PTPRD: variants seen among roughly 807,000 people sequenced by gnomAD.
PTPRD encodes protein tyrosine phosphatase receptor type D.
PTPRD carries 34 observed loss-of-function variants against 214.5 expected under a neutral mutation model. The observed-to-expected ratio is 0.16, with a 90% CI of 0.12 to 0.21. The LOEUF (loss-of-function observed/expected upper bound fraction) is 0.21, where lower values mean the gene tolerates loss of function less well. Among genes scored for constraint, PTPRD ranks in the 10% least tolerant of loss-of-function variants. The pLI is 1.00. For synonymous variants in PTPRD, 1,128 were observed against 845.7 expected (o/e 1.33, Z -5.79); for missense variants, 2,545 against 2,398.7 (o/e 1.06, Z -1.27).
chr9:8,457,659 T>C (rs1280369510), intron 33 of PTPRD, among the ~76,000 whole-genome samples: 1 of 152,134 alleles, frequency 6.6e-6, no homozygotes, highest in Non-Finnish European at 1.5e-5. Flanking sequence ...TACAGACCTA[T>C]TGCTAATGCT....
chr9:8,669,041 A>G (rs997934237), intron 12 of PTPRD, among the ~76,000 whole-genome samples: 4 of 152,026 alleles, frequency 2.6e-5, no homozygotes, highest in African/African-American at 9.7e-5. Flanking sequence ...GCGGAGAGAG[A>G]GAAGACTCAA....
intron 17 of PTPRD, among the ~76,000 whole-genome samples, chr9:8,526,413 T>C (rs555049975): frequency 6.8e-6 from 1 of 146,746 alleles, no homozygotes; most frequent in East Asian, 2.0e-4. Context: ...ATCATTTTCA[T>C]AAAGAAAGAA....
intron 9 of PTPRD, among the ~76,000 whole-genome samples, chr9:9,265,432 G>T (rs1172116262): frequency 2.7e-5 from 4 of 150,636 alleles, no homozygotes; most frequent in African/African-American, 4.9e-5. Flanking sequence ...TTTTGTTTTT[G>T]TTTTTTTTGT....
intron 3 of PTPRD, among the ~76,000 whole-genome samples, chr9:10,340,176 T>C (rs1051289926): frequency 6.6e-6 from 1 of 151,868 alleles, no homozygotes; most frequent in Non-Finnish European, 1.5e-5. Flanking sequence ...TCTGGACAAG[T>C]TCTCAATGTC....
At chr9:9,175,907 C>G (rs1383793612) in intron 10 of PTPRD, among the ~76,000 whole-genome samples, 1 of 152,062 alleles carries the variant, frequency 6.6e-6, no homozygotes, top group Non-Finnish European at 1.5e-5. Flanking sequence ...TGCCCCAAAT[C>G]TGTAGGCCTG....
intron 5 of PTPRD, among the ~76,000 whole-genome samples, chr9:9,769,646 C>G (rs376104962): frequency 5.6e-4 from 85 of 152,170 alleles, no homozygotes; most frequent in African/African-American, 1.8e-3. Flanking sequence ...CTTTTATACA[C>G]ATGTGCAGAA....
intron 3 of PTPRD, among the ~76,000 whole-genome samples, chr9:10,057,651 T>G (rs2097680980): frequency 6.6e-6 from 1 of 152,078 alleles, no homozygotes; most frequent in Non-Finnish European, 1.5e-5. Context: ...CAGACCATCC[T>G]GACCAACATG....
At chr9:9,506,440 T>A (rs1482649957) in intron 8 of PTPRD, among the ~76,000 whole-genome samples, 1 of 151,400 alleles carries the variant, frequency 6.6e-6, no homozygotes, top group Non-Finnish European at 1.5e-5. Context: ...ATGGGTCCAA[T>A]CAATCTTTAG....
At chr9:9,051,836 A>G (rs2099686315) in intron 10 of PTPRD, among the ~76,000 whole-genome samples, 1 of 152,130 alleles carries the variant, frequency 6.6e-6, no homozygotes, top group Non-Finnish European at 1.5e-5. Context: ...TTCAGGGAAA[A>G]TTTCTAATCC....
intron 2 of PTPRD, among the ~76,000 whole-genome samples, chr9:10,403,453 A>G (rs773509845): frequency 5.3e-5 from 8 of 151,376 alleles, no homozygotes; most frequent in Non-Finnish European, 1.2e-4. Context: ...CTTCACACCT[A>G]TTAGAATTGA....
At chr9:9,155,218 T>C (rs2099880195) in intron 10 of PTPRD, among the ~76,000 whole-genome samples, 1 of 152,210 alleles carries the variant, frequency 6.6e-6, no homozygotes, top group African/African-American at 2.4e-5. Flanking sequence ...TTTCATTTTT[T>C]AAATGTAGAA....
chr9:10,031,326 C>T (rs1047951797), intron 4 of PTPRD, among the ~76,000 whole-genome samples: 6 of 151,910 alleles, frequency 3.9e-5, no homozygotes, highest in African/African-American at 1.4e-4. Flanking sequence ...ATGGGTGTTG[C>T]CAAAGGAGAT....
intron 11 of PTPRD, among the ~76,000 whole-genome samples, chr9:8,826,758 TGCCCAGTGTTTA>T (rs1339959565): frequency 6.6e-6 from 1 of 151,958 alleles, no homozygotes. Context: ...CACCAGTAAA[TGCCCAGTGTTTA>T]GCATGATGCC....
intron 11 of PTPRD, among the ~76,000 whole-genome samples, chr9:8,933,972 T>A (rs543712304): frequency 3.7e-4 from 56 of 152,144 alleles, no homozygotes; most frequent in Admixed American, 1.4e-3. Flanking sequence ...ATATATTTCC[T>A]TTTGGGGCTG....
chr9:8,815,882 T>A (rs953232947), intron 11 of PTPRD, among the ~76,000 whole-genome samples: 1 of 152,246 alleles, frequency 6.6e-6, no homozygotes, highest in South Asian at 2.1e-4. Context: ...TATTATTGAA[T>A]GTACAAGTGA....
chr9:8,659,525 T>G (rs1290157265), intron 12 of PTPRD, among the ~76,000 whole-genome samples: 1 of 152,246 alleles, frequency 6.6e-6, no homozygotes, highest in African/African-American at 2.4e-5. Flanking sequence ...GGAATATATC[T>G]TTGAAGGTTT....
At chr9:9,114,057 T>C (rs1020867780) in intron 10 of PTPRD, among the ~76,000 whole-genome samples, 4 of 152,120 alleles carry the variant, frequency 2.6e-5, no homozygotes, top group African/African-American at 9.7e-5. Flanking sequence ...AGAATCACTA[T>C]AAGAGAACAA....
chr9:9,381,642 C>A (rs1457397762), intron 9 of PTPRD, among the ~76,000 whole-genome samples: 1 of 151,980 alleles, frequency 6.6e-6, no homozygotes, highest in African/African-American at 2.4e-5. Context: ...TGTGGGCCAC[C>A]ACGCTCAGAC....
chr9:9,135,187 A>G (rs1326400624), intron 10 of PTPRD, among the ~76,000 whole-genome samples: 2 of 152,212 alleles, frequency 1.3e-5, no homozygotes, highest in East Asian at 3.8e-4. Flanking sequence ...GAACTGAGAG[A>G]GGACTCATGT....
Sources: gnomAD v4.1 joint callset for allele counts (sites outside exome capture counted in the v4.1 genomes callset) on GRCh38, gnomAD v4.1.1 for gene constraint, MANE v1.5 for transcripts, NCBI Gene and HGNC (gene_info 2026-07-23, HGNC 2026-07-21) for gene names.